GLIS3: variants seen among roughly 807,000 people sequenced by gnomAD.
GLIS3 encodes zinc finger protein GLIS3.
Under a neutral mutation model 78.6 loss-of-function variants are expected in GLIS3, and 53 were observed. The observed-to-expected ratio is 0.67, with a 90% CI of 0.54 to 0.85. The LOEUF (loss-of-function observed/expected upper bound fraction) is 0.85. Among genes scored for constraint, GLIS3 ranks in the 40% least tolerant of loss-of-function variants. The probability of loss-of-function intolerance (pLI) is 0.00; values close to 1 mark genes in which losing one functional copy is unlikely to be tolerated. For synonymous variants in GLIS3, 684 were observed against 509.9 expected, an observed-to-expected ratio of 1.34 and a Z score of -4.60; for missense variants, 1,703 against 1,231.1, an observed-to-expected ratio of 1.38 and a Z score of -5.74.
Position 3,879,516 on chromosome 9 carries a change from G to A in GLIS3, c.2208C>T (p.His736=), listed in dbSNP as rs775915521. 1.2e-5 allele frequency: 19 copies of A among 1,614,024 alleles called. No homozygotes were observed. The East Asian group carries it at 3.8e-4, about 32-fold the overall frequency. Residue 736 remains histidine, a synonymous_variant, in exon 8 of 11, where the codon CAC becomes CAT. Transcript: ENST00000381971. ...GAVPPPHPVS[H]PSPGHNVQGS... is the part of the protein sequence containing the mutation. The stretch of plus-strand genomic sequence containing the variant: ...CCTGTACATTATGTCCTGGAGAAGG[G>A]TGACTGACAGGATGTGGGGGTGGTA...
chr9:4,334,291 T>C (rs1817723059), intron 2 of GLIS3, among the ~76,000 whole-genome samples: 1 of 151,990 alleles, frequency 6.6e-6, no homozygotes, highest in Non-Finnish European at 1.5e-5. Context: ...ATTCAGTCCT[T>C]CTACAAATTA....
chr9:4,429,186 G>A, the GLIS3 span, among the ~76,000 whole-genome samples: 2 of 152,048 alleles, frequency 1.3e-5, no homozygotes, highest in African/African-American at 4.8e-5. Context: ...TTTTCATGAA[G>A]GAAATTTTAT....
the GLIS3 span, among the ~76,000 whole-genome samples, chr9:4,366,858 G>A: frequency 2.0e-5 from 3 of 152,224 alleles, no homozygotes; most frequent in Non-Finnish European, 1.5e-5. Flanking sequence ...ATGCCACCAT[G>A]TTGTCAGGAG....
At chr9:4,406,987 G>C in the GLIS3 span, among the ~76,000 whole-genome samples, 2 of 152,050 alleles carry the variant, frequency 1.3e-5, no homozygotes, top group African/African-American at 4.8e-5. Flanking sequence ...AATAGCCAAA[G>C]CTATCCTGAG....
chr9:4,473,191 A>C, the GLIS3 span, among the ~76,000 whole-genome samples: 1 of 152,188 alleles, frequency 6.6e-6, no homozygotes. Flanking sequence ...GAATAAAGAT[A>C]ATGTGATACA....
chr9:4,311,374 A>C (rs1817353554), intron 2 of GLIS3, among the ~76,000 whole-genome samples: 1 of 152,140 alleles, frequency 6.6e-6, no homozygotes, highest in Non-Finnish European at 1.5e-5. Context: ...GCACCACTAC[A>C]CTCCAGCCTA....
chr9:4,061,463 T>G (rs1333287991), intron 4 of GLIS3, among the ~76,000 whole-genome samples: 1 of 152,138 alleles, frequency 6.6e-6, no homozygotes, highest in Non-Finnish European at 1.5e-5. Context: ...CAGTCTATCA[T>G]GGATGGACAT....
At chr9:4,133,020 G>A (rs564949581) in intron 2 of GLIS3, among the ~76,000 whole-genome samples, 1 of 152,146 alleles carries the variant, frequency 6.6e-6, no homozygotes. Flanking sequence ...CCTCTAAGCA[G>A]CAGGGTTTTC....
intron 2 of GLIS3, among the ~76,000 whole-genome samples, chr9:4,232,943 A>G (rs1398580426): frequency 2.6e-5 from 4 of 152,176 alleles, no homozygotes; most frequent in African/African-American, 9.7e-5. Context: ...TATAGACAAA[A>G]TGTTTTTGTA....
At chr9:3,935,208 C>G (rs113397784) in intron 5 of GLIS3, among the ~76,000 whole-genome samples, 59 of 152,078 alleles carry the variant, frequency 3.9e-4, no homozygotes, top group African/African-American at 1.4e-3. Context: ...TTTTTAAAAT[C>G]AAGTGTGTGA....
intron 4 of GLIS3, among the ~76,000 whole-genome samples, chr9:3,987,784 A>AAAAAAAAAAC (rs1554665966): frequency 2.9e-5 from 2 of 69,546 alleles, no homozygotes. Flanking sequence ...AAAAAAAAAA[A>AAAAAAAAAAC]AAAACAAAAC....
chr9:4,176,541 AG>A (rs1816828251), intron 2 of GLIS3, among the ~76,000 whole-genome samples: 1 of 152,054 alleles, frequency 6.6e-6, no homozygotes, highest in South Asian at 2.1e-4. Context: ...TTGCACTTTT[AG>A]GGTAGGAGGA....
chr9:4,225,528 T>C (rs1285145591), intron 2 of GLIS3, among the ~76,000 whole-genome samples: 1 of 152,168 alleles, frequency 6.6e-6, no homozygotes, highest in African/African-American at 2.4e-5. Flanking sequence ...TCTGCTAAAG[T>C]AGTCACACAG....
At chr9:3,852,757 G>C (rs1819514473) in intron 9 of GLIS3, among the ~76,000 whole-genome samples, 2 of 54,748 alleles carry the variant, frequency 3.7e-5, no homozygotes, top group African/African-American at 7.6e-5. Flanking sequence ...GGCTAATACA[G>C]GGGCACGCCC....
At chr9:4,081,609 T>A (rs576435553) in intron 4 of GLIS3, among the ~76,000 whole-genome samples, 6 of 152,296 alleles carry the variant, frequency 3.9e-5, no homozygotes, top group African/African-American at 1.4e-4. Context: ...TAGTTGGAAA[T>A]ATATTTTGAT....
At chr9:4,050,337 T>C (rs545869358) in intron 4 of GLIS3, among the ~76,000 whole-genome samples, 4 of 152,220 alleles carry the variant, frequency 2.6e-5, no homozygotes, top group African/African-American at 9.6e-5. Context: ...CTCAGTAAAC[T>C]ATCGCAAGGA....
chr9:4,176,212 C>T (rs1488918402), intron 2 of GLIS3, among the ~76,000 whole-genome samples: 1 of 152,128 alleles, frequency 6.6e-6, no homozygotes, highest in African/African-American at 2.4e-5. Flanking sequence ...ACTCATTTCT[C>T]CCTCTCTTAC....
chr9:4,201,063 A>C (rs1586958759), intron 2 of GLIS3, among the ~76,000 whole-genome samples: 1 of 152,242 alleles, frequency 6.6e-6, no homozygotes, highest in East Asian at 1.9e-4. Context: ...TTCACCACAT[A>C]AACAGAATTA....
the GLIS3 span, among the ~76,000 whole-genome samples, chr9:4,405,303 G>A: frequency 5.3e-5 from 8 of 150,964 alleles, no homozygotes; most frequent in African/African-American, 1.2e-4. Context: ...GTGGGGAGTC[G>A]AGATCGTGCC....
Sources: gnomAD v4.1 joint callset for allele counts (sites outside exome capture counted in the v4.1 genomes callset) on GRCh38, gnomAD v4.1.1 for gene constraint, MANE v1.5 for transcripts, NCBI Gene and HGNC (gene_info 2026-07-23, HGNC 2026-07-21) for gene names.